WWOX: variants seen among roughly 807,000 people sequenced by gnomAD.
WWOX encodes WW domain containing oxidoreductase, also known as WW domain-containing oxidoreductase.
Under a neutral mutation model 46.2 loss-of-function variants are expected in WWOX, and 69 were observed. The observed-to-expected ratio is 1.49, with a 90% CI of 1.23 to 1.82. The LOEUF is 1.82. Among genes scored for constraint, WWOX ranks in the 40% most tolerant of loss-of-function variants. WWOX has a pLI of 0.00. For synonymous variants in WWOX, 359 were observed against 202.6 expected (o/e 1.77, Z -6.56); for missense variants, 919 against 542.6 (o/e 1.69, Z -6.89).
At chr16:78,400,687 G>C (rs1209991998) in intron 6 of WWOX, among the ~76,000 whole-genome samples, 1 of 152,180 alleles carries the variant, frequency 6.6e-6, no homozygotes, top group African/African-American at 2.4e-5. Flanking sequence ...GGGAGGACTG[G>C]AGGAAGGAAA....
intron 8 of WWOX, among the ~76,000 whole-genome samples, chr16:78,747,158 T>G (rs902895604): frequency 2.0e-5 from 3 of 151,426 alleles, no homozygotes; most frequent in African/African-American, 7.3e-5. Context: ...TTCTTTTGCC[T>G]GGGAAGAGTG....
At chr16:79,054,337 TCTTA>T (rs1274404184) in intron 8 of WWOX, among the ~76,000 whole-genome samples, 2 of 152,202 alleles carry the variant, frequency 1.3e-5, no homozygotes, top group African/African-American at 4.8e-5. Flanking sequence ...TTCTTATCTT[TCTTA>T]CTTGATATTT....
intron 8 of WWOX, among the ~76,000 whole-genome samples, chr16:78,935,488 A>C (rs1332035652): frequency 2.6e-5 from 4 of 152,078 alleles, no homozygotes; most frequent in African/African-American, 9.7e-5. Context: ...CATCATTCTC[A>C]GCAAACTATC....
chr16:78,642,465 T>A (rs1221578269), intron 8 of WWOX, among the ~76,000 whole-genome samples: 1 of 152,170 alleles, frequency 6.6e-6, no homozygotes. Flanking sequence ...ATCTGTCGAC[T>A]TTACTGAGCT....
intron 8 of WWOX, among the ~76,000 whole-genome samples, chr16:78,738,586 G>C (rs563965925): frequency 1.3e-5 from 2 of 152,168 alleles, no homozygotes; most frequent in African/African-American, 4.8e-5. Context: ...CAAAACAACT[G>C]CTGGATTATC....
chr16:78,484,862 G>C lies in WWOX; in HGVS notation c.1056+52110G>C, dbSNP rs369844103. Among the ~76,000 whole-genome samples, 14 of 152,286 alleles carry C rather than the reference G, an allele frequency of 9.2e-5. No homozygotes were observed. In the East Asian group the frequency reaches 2.5e-3, roughly 27 times the overall value. ...GCGAATGTGAAGTGCCATTGCATTTGTCTCCATTTCTGTCCCAGTTACATC... is the reference window on the plus strand; with the variant it reads ...GCGAATGTGAAGTGCCATTGCATTTCTCTCCATTTCTGTCCCAGTTACATC... On this transcript the variant is annotated intron_variant, in intron 8 of 8. Coordinates refer to ENST00000566780, the MANE Select transcript of WWOX (RefSeq NM_016373.4).
intron 8 of WWOX, among the ~76,000 whole-genome samples, chr16:79,123,384 C>G (rs955831734): frequency 6.6e-6 from 1 of 152,152 alleles, no homozygotes; most frequent in African/African-American, 2.4e-5. Context: ...CAGATACATT[C>G]GTAACTCCCC....
chr16:78,701,090 T>C (rs2048206508), intron 8 of WWOX, among the ~76,000 whole-genome samples: 1 of 152,114 alleles, frequency 6.6e-6, no homozygotes, highest in Non-Finnish European at 1.5e-5. Flanking sequence ...TTCTCCTCTT[T>C]AAAGGTGGGC....
chr16:79,025,800 C>G, intron 8 of WWOX, among the ~76,000 whole-genome samples: 1 of 31,508 alleles, frequency 3.2e-5, no homozygotes, highest in Admixed American at 4.4e-4. Flanking sequence ...GCTTTGCTTG[C>G]TTGCTTTTTT....
At chr16:78,562,598 CACTT>C (rs1215845422) in intron 8 of WWOX, among the ~76,000 whole-genome samples, 7 of 152,188 alleles carry the variant, frequency 4.6e-5, no homozygotes, top group African/African-American at 1.7e-4. Context: ...CTGGGCCTGT[CACTT>C]ACTCCCATTG....
chr16:78,616,412 T>C (rs1357497765), intron 8 of WWOX, among the ~76,000 whole-genome samples: 2 of 152,026 alleles, frequency 1.3e-5, no homozygotes, highest in Non-Finnish European at 2.9e-5. Flanking sequence ...ATCTCATAGG[T>C]GTCCATCTTG....
intron 8 of WWOX, among the ~76,000 whole-genome samples, chr16:78,450,276 T>G (rs1025999825): frequency 6.6e-6 from 1 of 152,188 alleles, no homozygotes; most frequent in Non-Finnish European, 1.5e-5. Flanking sequence ...TATGATGGGA[T>G]CTCTTGAATC....
chr16:79,018,882 G>A (rs2047470894), intron 8 of WWOX, among the ~76,000 whole-genome samples: 1 of 152,014 alleles, frequency 6.6e-6, no homozygotes, highest in Non-Finnish European at 1.5e-5. Context: ...TGGGCGTGGT[G>A]GCTCACCCAT....
chr16:79,131,783 C>G (rs34394761), intron 8 of WWOX, among the ~76,000 whole-genome samples: 29,008 of 152,086 alleles, frequency 0.19, 3,127 homozygotes, highest in East Asian at 0.4. Flanking sequence ...AAAACATACC[C>G]TAGCCTGGGA....
intron 3 of WWOX, among the ~76,000 whole-genome samples, chr16:78,111,039 T>C (rs531973743): frequency 3.3e-5 from 5 of 152,218 alleles, no homozygotes; most frequent in Admixed American, 2.0e-4. Flanking sequence ...GAATGTAACA[T>C]AAACGTTTCA....
chr16:78,314,437 G>A (rs73574601), intron 5 of WWOX, among the ~76,000 whole-genome samples: 2,512 of 146,822 alleles, frequency 0.017, 98 homozygotes, highest in African/African-American at 0.061. Context: ...CAGGACATAC[G>A]TAGGACCCCT....
intron 8 of WWOX, among the ~76,000 whole-genome samples, chr16:78,889,294 G>A (rs767106985): frequency 3.3e-5 from 5 of 151,946 alleles, no homozygotes; most frequent in South Asian, 4.2e-4. Flanking sequence ...CACTGCAATG[G>A]TGCATAGTCA....
At chr16:78,107,903 C>G (rs982864370) in intron 1 of WWOX, among the ~76,000 whole-genome samples, 21 of 152,170 alleles carry the variant, frequency 1.4e-4, no homozygotes, top group African/African-American at 5.1e-4. Flanking sequence ...AAAACAAATA[C>G]ACAGCAAAAT....
At chr16:78,255,391 C>T (rs1252539170) in intron 5 of WWOX, among the ~76,000 whole-genome samples, 1 of 152,154 alleles carries the variant, frequency 6.6e-6, no homozygotes, top group Non-Finnish European at 1.5e-5. Flanking sequence ...AACTATATTG[C>T]CGAGAAAGAG....
Sources: gnomAD v4.1 joint callset for allele counts (sites outside exome capture counted in the v4.1 genomes callset) on GRCh38, gnomAD v4.1.1 for gene constraint, MANE v1.5 for transcripts, NCBI Gene and HGNC (gene_info 2026-07-23, HGNC 2026-07-21) for gene names.